The following ZSWIM4 variants were observed in gnomAD, a reference collection of about 807,000 sequenced individuals.
ZSWIM4 encodes the protein zinc finger SWIM-type containing 4.
A neutral mutation model predicts 102.5 loss-of-function variants in ZSWIM4; 62 were observed. The observed-to-expected ratio is 0.60, with a 90% confidence interval of 0.49 to 0.75. The LOEUF is 0.75. Ranked by LOEUF, ZSWIM4 falls within the 30% of genes least tolerant of loss-of-function variation. The pLI, the probability that ZSWIM4 is intolerant of heterozygous loss-of-function variation, is 0.00. For synonymous variants in ZSWIM4, 652 were observed against 674.5 expected, an observed-to-expected ratio of 0.97 and a Z score of 0.52; for missense variants, 1,280 against 1,529.6, an observed-to-expected ratio of 0.84 and a Z score of 2.72.
At position 13,831,184 on chromosome 19, in the gene ZSWIM4, G is replaced by A; in HGVS notation, c.*134G>A. The A allele has an allele frequency of 8.5e-7, 1 of 1,174,644 alleles. No individual in the cohort carries two copies. The highest frequency in any genetic ancestry group is 1.2e-6 in the Non-Finnish European group (1 of 854,912). The allele number at this position is 1,174,644 out of a possible 1,614,324, so 72.8% of individuals were successfully genotyped here. A position where few individuals can be genotyped will look rare whatever the true frequency, so the allele number is the denominator to read the frequency against. On this transcript the variant is annotated 3_prime_UTR_variant, in exon 14 of 14. Coordinates refer to ENST00000590508, the MANE Select transcript of ZSWIM4 (RefSeq NM_001367834.3). ...AGCCCGGCTGGAGATGGGGGCAGGG[G>A]GAGCAGCATCCTGCCACGTGTGTGC...
At chr19:13,817,011 G>C (rs908510099) in intron 7 of ZSWIM4, among the ~76,000 whole-genome samples, 9 of 152,178 alleles carry the variant, frequency 5.9e-5, no homozygotes, top group African/African-American at 2.2e-4. Context: ...AGAGGCTGCA[G>C]TGAGCTATGA....
chr19:13,809,036 C>G lies in ZSWIM4; in HGVS notation c.862-34C>G, dbSNP rs1783350073. Reference sequence around the variant, plus strand: ...GGTGCAGAAGGCCCCGGCGGACGCCCCAGCCCTTCCTCACCACCCTGTCCC... The same window carrying G: ...GGTGCAGAAGGCCCCGGCGGACGCCGCAGCCCTTCCTCACCACCCTGTCCC... On this transcript the variant is annotated intron_variant, in intron 4 of 13. Transcript: ENST00000590508. This position sits in a 1 kb window ranked among gnomAD's most constrained non-coding sequence, Gnocchi z 4.2. The G allele has an allele frequency of 1.2e-6, 2 of 1,607,406 alleles. No homozygotes were observed. Among genetic ancestry groups the G allele is most frequent in the Non-Finnish European group, 1.7e-6 (2 of 1,175,228 alleles).
At chr19:13,803,325 C>T (rs904962015) in intron 2 of ZSWIM4, among the ~76,000 whole-genome samples, 1 of 152,184 alleles carries the variant, frequency 6.6e-6, no homozygotes, top group Non-Finnish European at 1.5e-5. Flanking sequence ...GACACCTGGC[C>T]CCTGGCTTAC....
Position 13,819,495 on chromosome 19 carries a change from G to A in ZSWIM4, c.2060+3G>A, listed in dbSNP as rs768758820. 1.9e-6 allele frequency: 3 copies of A among 1,590,936 alleles called. No homozygotes were observed. The highest frequency in any genetic ancestry group is 2.6e-6 in the Non-Finnish European group (3 of 1,168,764). The stretch of plus-strand genomic sequence containing the variant: ...CGCCTCGCGCTGCGAGCTATGAGGT[G>A]AGGATAGGTGGCCAAGGCAGTGGCA... On this transcript the variant is annotated splice_donor_region_variant and intron_variant, in intron 10 of 13. Coordinates refer to ENST00000590508, the MANE Select transcript of ZSWIM4 (RefSeq NM_001367834.3).
intron 8 of ZSWIM4, 164 bp from the exon 9 acceptor site, chr19:13,817,558 A>T: frequency 9.5e-7 from 1 of 1,053,108 alleles, no homozygotes; most frequent in Non-Finnish European, 1.3e-6. Flanking sequence ...AGCTGCTGCT[A>T]GAAGGTGGGG....
intron 2 of ZSWIM4, among the ~76,000 whole-genome samples, 159 bp from the exon 3 acceptor site, chr19:13,804,633 C>G (rs1050039736): frequency 6.7e-6 from 1 of 150,008 alleles, no homozygotes; most frequent in Non-Finnish European, 1.5e-5. Flanking sequence ...GGCCACAGAG[C>G]GAGATTTTGT....
chr19:13,809,266 C>G lies in ZSWIM4; in HGVS notation c.1012+46C>G, dbSNP rs774429714. 4 of 1,551,560 alleles carry G rather than the reference C, an allele frequency of 2.6e-6. No homozygotes were observed. The highest frequency in any genetic ancestry group is 1.9e-4 in the Middle Eastern group (1 of 5,288). On this transcript the variant is annotated intron_variant, in intron 5 of 13. Transcript: ENST00000590508. The surrounding 1 kb of genome is among the most constrained non-coding windows in gnomAD (Gnocchi z 4.2). Reference sequence around the variant, plus strand: ...CGTGGTGGACACCGGGACTTCGGCTCCCATGGGGGCTGGCCCACTCCAAGA... The same window carrying G: ...CGTGGTGGACACCGGGACTTCGGCTGCCATGGGGGCTGGCCCACTCCAAGA...
rs114355642 is a variant in ZSWIM4 at position 13,831,087 on chromosome 19, G to A, written c.*37G>A. ...GTGCGTGGGAGTGGGGATCCCCCTC[G>A]CCCCTGCGTCCCCCACCCTTGCTCT... On this transcript the variant is annotated 3_prime_UTR_variant, in exon 14 of 14. Transcript: ENST00000590508. 1,002 of 1,521,798 alleles carry A rather than the reference G, an allele frequency of 6.6e-4. 7 individuals are homozygous for A. The African/African-American group carries it at 0.012, about 19-fold the overall frequency. The allele number at this position is 1,521,798 out of a possible 1,614,324, so 94.3% of individuals were successfully genotyped here. A position where few individuals can be genotyped will look rare whatever the true frequency, so the allele number is the denominator to read the frequency against.
At chr19:13,815,958 A>AC (rs1975268975) in intron 7 of ZSWIM4, among the ~76,000 whole-genome samples, 1 of 149,776 alleles carries the variant, frequency 6.7e-6, no homozygotes, top group African/African-American at 2.5e-5. Context: ...ATTAAAAAAA[A>AC]AAAAAGAGAG....
chr19:13,813,157 C>T lies in ZSWIM4; in HGVS notation c.1173C>T (p.Pro391=), dbSNP rs372756689. The T allele has an allele frequency of 4.5e-5, 73 of 1,611,570 alleles. No individual in the cohort carries two copies. The highest frequency in any genetic ancestry group is 6.7e-5 in the Admixed American group (4 of 59,808). ...DGPSLQPTMA[P]APGSEEEEEV... is the part of the protein sequence containing the mutation. ...CCAGCCTGCAGCCCACCATGGCCCCCGCCCCAGGTAGGAGAGAGGGGTCTT... is the reference window on the plus strand; with the variant it reads ...CCAGCCTGCAGCCCACCATGGCCCCTGCCCCAGGTAGGAGAGAGGGGTCTT... Residue 391 remains proline, a synonymous_variant, in exon 6 of 14, where the codon CCC becomes CCT. Coordinates refer to ENST00000590508, the MANE Select transcript of ZSWIM4 (RefSeq NM_001367834.3).
chr19:13,813,218 G>A, intron 6 of ZSWIM4, 54 bp downstream of exon 6: 1 of 1,425,346 alleles, frequency 7.0e-7, no homozygotes, highest in Non-Finnish European at 9.6e-7. Flanking sequence ...CACTAACTGT[G>A]GCCCCACTTA....
chr19:13,809,624 GGT>G lies in ZSWIM4; in HGVS notation c.1012+406_1012+407del. Among the ~76,000 whole-genome samples the G allele has an allele frequency of 6.6e-6, 1 of 152,052 alleles. No homozygotes were observed. Among genetic ancestry groups the G allele is most frequent in the East Asian group, 1.9e-4 (1 of 5,186 alleles). The stretch of plus-strand genomic sequence containing the variant: ...AGCCTCCCAAGTAGCTGGGTCTACA[GGT>G]GCACACTACCACATCCAGCTAATTT... On this transcript the variant is annotated intron_variant, in intron 5 of 13. Transcript: ENST00000590508. The surrounding 1 kb of genome is among the most constrained non-coding windows in gnomAD (Gnocchi z 4.2).
In ZSWIM4 at chr19:13,831,736, C is replaced by T. The variant is rs1223709875; in HGVS notation, c.*686C>T. 1.3e-5 allele frequency: 2 copies of T among 152,610 alleles called. No homozygotes were observed. The highest frequency in any genetic ancestry group is 1.9e-4 in the East Asian group (1 of 5,184). 9.5% of individuals were successfully genotyped at this position (152,610 alleles called of 1,614,324 possible). A position where few individuals can be genotyped will look rare whatever the true frequency, so the allele number is the denominator to read the frequency against. On this transcript the variant is annotated 3_prime_UTR_variant, in exon 14 of 14. Coordinates refer to ENST00000590508, the MANE Select transcript of ZSWIM4 (RefSeq NM_001367834.3). ...ACTCAGGAACTGAGCGAGGCTCACA[C>T]TGCCCCTTCCAACCTGGGGTTGGGG...
At chr19:13,803,297 G>A (rs758842583) in intron 2 of ZSWIM4, among the ~76,000 whole-genome samples, 4 of 152,208 alleles carry the variant, frequency 2.6e-5, no homozygotes, top group Non-Finnish European at 5.9e-5. Context: ...CCCAGGGAGG[G>A]GCAGGGGGAG....
intron 10 of ZSWIM4, among the ~76,000 whole-genome samples, 196 bp from the exon 11 acceptor site, chr19:13,823,150 T>C (rs1029740182): frequency 1.4e-4 from 21 of 152,222 alleles, no homozygotes; most frequent in Non-Finnish European, 3.1e-4. Flanking sequence ...TGAGACCCTG[T>C]CTCTAAAATA....
In ZSWIM4 at chr19:13,814,879, G is replaced by A. The variant is rs866184867; in HGVS notation, c.1531+14G>A. On this transcript the variant is annotated intron_variant, in intron 7 of 13. Coordinates refer to ENST00000590508, the MANE Select transcript of ZSWIM4 (RefSeq NM_001367834.3). ...AGCAGAAAAAAGGTCAGCCTCAGCC[G>A]GGCACGGGGGCTCGCACCTGTGATC... 2.4e-5 allele frequency: 29 copies of A among 1,219,398 alleles called. No individual in the cohort carries two copies. Among genetic ancestry groups the A allele is most frequent in the East Asian group, 1.3e-4 (2 of 15,534 alleles). The allele number at this position is 1,219,398 out of a possible 1,614,324, so 75.5% of individuals were successfully genotyped here.
intron 2 of ZSWIM4, among the ~76,000 whole-genome samples, chr19:13,800,773 G>C (rs1974749984): frequency 6.6e-6 from 1 of 152,184 alleles, no homozygotes. Flanking sequence ...GTTTAGACAA[G>C]GGGTTGGGGG....
At chr19:13,803,014 G>T (rs1164390653) in intron 2 of ZSWIM4, among the ~76,000 whole-genome samples, 2 of 144,188 alleles carry the variant, frequency 1.4e-5, no homozygotes, top group African/African-American at 5.6e-5. Flanking sequence ...GACTCAGAAA[G>T]GGACCAGTAG....
At position 13,805,165 on chromosome 19, in the gene ZSWIM4, GGT is replaced by G. The variant is rs768299694; in HGVS notation, c.712+18_712+19del. 36 of 1,584,784 alleles carry G rather than the reference GGT, an allele frequency of 2.3e-5. No homozygotes were observed. In the African/African-American group the frequency reaches 3.1e-4, roughly 14 times the overall value. On this transcript the variant is annotated intron_variant, in intron 3 of 13. Coordinates refer to ENST00000590508, the MANE Select transcript of ZSWIM4 (RefSeq NM_001367834.3). ...TGGTGAATGGTAAGGGCACCCCGGG[GGT>G]CCGGTGGGGAGAGGATGCCCAAGCG...
Sources: gnomAD v4.1 joint callset for allele counts (sites outside exome capture counted in the v4.1 genomes callset) on GRCh38, gnomAD v4.1.1 for gene constraint, Gnocchi (gnomAD v3.1) non-coding constraint, MANE v1.5 for transcripts, NCBI Gene and HGNC (gene_info 2026-07-23, HGNC 2026-07-21) for gene names.